The following CHAT variants were observed in gnomAD, a reference collection of about 807,000 sequenced individuals.
CHAT encodes the protein acetyl CoA:choline O-acetyltransferase.
A neutral mutation model predicts 76.9 loss-of-function variants in CHAT; 61 were observed. That is an observed-to-expected ratio of 0.79 (90% CI 0.65 to 0.98). The LOEUF (loss-of-function observed/expected upper bound fraction) is 0.98. Among genes scored for constraint, CHAT ranks in the 50% least tolerant of loss-of-function variants. CHAT has a pLI of 0.00. For synonymous variants in CHAT, 407 were observed against 397.4 expected (o/e 1.02, Z -0.29); for missense variants, 946 against 986.9 (o/e 0.96, Z 0.56).
intron 7 of CHAT, among the ~76,000 whole-genome samples, chr10:49,630,115 C>T (rs567460311): frequency 6.6e-6 from 1 of 151,834 alleles, no homozygotes; most frequent in Non-Finnish European, 1.5e-5. Flanking sequence ...TGGGTGGAGA[C>T]GTCAAGCTTA....
chr10:49,648,687 C>T (rs912053730), intron 9 of CHAT, 80 bp downstream of exon 9: 17 of 830,826 alleles, frequency 2.0e-5, no homozygotes, highest in African/African-American at 8.7e-5. Context: ...GTCTGGAAAG[C>T]GTCTTAACAA....
chr10:49,613,449 G>T (rs533382083), upstream of CHAT, among the ~76,000 whole-genome samples: 8 of 152,172 alleles, frequency 5.3e-5, no homozygotes, highest in African/African-American at 1.9e-4. Context: ...CAGCGTTCGC[G>T]CAACACTCCA....
rs756348058 is a variant in CHAT, at chr10:49,614,427, G to C, written c.238G>C (p.Glu80Gln). The C allele has an allele frequency of 8.4e-6, 13 of 1,547,762 alleles. No homozygotes were observed. Among genetic ancestry groups the C allele is most frequent in the Non-Finnish European group, 1.1e-5 (13 of 1,146,778 alleles). Residue 80 changes from glutamate (E) to glutamine (Q), a missense_variant, in exon 1 of 15, where the codon GAG (glutamate) becomes CAG (glutamine). By Grantham distance (29) the Glu-to-Gln change is conservative. This residue lies in a region of CHAT where 548 missense variants were observed against 516.2 expected (regional missense o/e 1.06). Coordinates refer to ENST00000337653, the MANE Select transcript of CHAT (RefSeq NM_020549.5). Reference sequence around the variant, plus strand: ...GGCTCACACCCCCGCCCACACTCCTGAGTGGTGCGGTGCAGCGTCGGCCGA... The same window carrying C: ...GGCTCACACCCCCGCCCACACTCCTCAGTGGTGCGGTGCAGCGTCGGCCGA... ...LPAHTPAHTP[E>Q]WCGAASAEAA...
chr10:49,618,842 A>G (rs1210824425), intron 2 of CHAT, among the ~76,000 whole-genome samples: 1 of 152,232 alleles, frequency 6.6e-6, no homozygotes, highest in African/African-American at 2.4e-5. Context: ...TAGCGAGGTC[A>G]TAACATTTTA....
Position 49,655,173 on chromosome 10 carries a change from A to G in CHAT, c.1713A>G (p.Arg571=). Residue 571 remains arginine (R), a synonymous_variant, in exon 12 of 15, where the codon AGA becomes AGG. Transcript: ENST00000337653. The part of the protein sequence containing the change: ...RFQEGRVDNI[R]SATPEALAFV... ...AGGAGGGACGCGTGGACAACATCAG[A>G]TCGGCCACTCCAGAGGCACTGGCTT... 1.2e-6 allele frequency: 2 copies of G among 1,613,952 alleles called. No homozygotes were observed. Among genetic ancestry groups the G allele is most frequent in the Non-Finnish European group, 1.7e-6 (2 of 1,180,012 alleles).
rs180676362 is a variant in CHAT at position 49,648,145 on chromosome 10, G to A, written c.1282-362G>A. ...AGGCAAGAGATTGGGAGGAGACCCCGATGTGAGCTATGACAGGAAACAGGG... is the reference window on the plus strand; with the variant it reads ...AGGCAAGAGATTGGGAGGAGACCCCAATGTGAGCTATGACAGGAAACAGGG... On this transcript the variant is annotated intron_variant, in intron 8 of 14. Transcript: ENST00000337653. The A allele has an allele frequency of 1.4e-3, 495 of 355,648 alleles. 4 individuals are homozygous for A. Among genetic ancestry groups the A allele is most frequent in the African/African-American group, 9.2e-3 (443 of 48,090 alleles). 22.0% of individuals were successfully genotyped at this position (355,648 alleles called of 1,614,324 possible). A position where few individuals can be genotyped will look rare whatever the true frequency, so the allele number is the denominator to read the frequency against.
chr10:49,614,560 C>A, intron 1 of CHAT, 85 bp downstream of exon 1: 1 of 705,716 alleles, frequency 1.4e-6, no homozygotes, highest in Non-Finnish European at 2.2e-6. Context: ...GGGACAGCAC[C>A]GGGGCCGAGA....
upstream of CHAT, chr10:49,612,511 T>C (rs907983637): frequency 1.1e-5 from 7 of 655,636 alleles, no homozygotes; most frequent in African/African-American, 7.3e-5. Context: ...CATATCCCTT[T>C]CTCTCTTGTC....
chr10:49,637,589 C>A, intron 7 of CHAT: 1 of 152,858 alleles, frequency 6.5e-6, no homozygotes, highest in South Asian at 1.9e-4. Context: ...GAAGAAGGTC[C>A]TTGCTTCCCC....
rs1042754325 is a variant in CHAT, at chr10:49,667,528, T to C, written c.*2482T>C. ...CTCTGAGGAAGAGGCTGGAAGCTGGTCTTCCCCCTCCAAGAATACACGGGT... is the reference window on the plus strand; with the variant it reads ...CTCTGAGGAAGAGGCTGGAAGCTGGCCTTCCCCCTCCAAGAATACACGGGT... On this transcript the variant is annotated 3_prime_UTR_variant, in exon 15 of 15. Transcript: ENST00000337653. Among the ~76,000 whole-genome samples the C allele has an allele frequency of 6.6e-6, 1 of 152,192 alleles. No individual in the cohort carries two copies. Among genetic ancestry groups the C allele is most frequent in the Non-Finnish European group, 1.5e-5 (1 of 68,022 alleles).
intron 13 of CHAT, among the ~76,000 whole-genome samples, chr10:49,660,036 C>T (rs1840144576): frequency 6.6e-6 from 1 of 152,148 alleles, no homozygotes; most frequent in Non-Finnish European, 1.5e-5. Context: ...TTATGTATAT[C>T]GTTCTGTATA....
intron 8 of CHAT, chr10:49,647,970 C>G (rs897994200): frequency 5.8e-6 from 1 of 171,166 alleles, no homozygotes; most frequent in African/African-American, 2.6e-5. Flanking sequence ...GACCTGAATT[C>G]AAGATGATGG....
chr10:49,660,157 T>A lies in CHAT; in HGVS notation c.1840-2488T>A, dbSNP rs111245154. Among the ~76,000 whole-genome samples the A allele has an allele frequency of 4.5e-3, 679 of 151,698 alleles. 5 individuals are homozygous for A. The highest frequency in any genetic ancestry group is 0.016 in the African/African-American group (655 of 41,376). ...GAGCAGGGTCATAAAAGAGCTGAAA[T>A]TGGCCGGGTGCAGTGGCTCACGCCT... is the stretch of plus-strand genomic sequence containing the variant. On this transcript the variant is annotated intron_variant, in intron 13 of 14. Transcript: ENST00000337653.
chr10:49,610,739 G>A, upstream of CHAT: 1 of 1,512,338 alleles, frequency 6.6e-7, no homozygotes, highest in Non-Finnish European at 8.8e-7. Context: ...CGGGGTGGGG[G>A]CATGGAATCC....
At chr10:49,650,950 G>T (rs1401307115) in intron 10 of CHAT, among the ~76,000 whole-genome samples, 1 of 152,052 alleles carries the variant, frequency 6.6e-6, no homozygotes, top group Non-Finnish European at 1.5e-5. Flanking sequence ...GTGGGTAAAG[G>T]AGTCCACTCA....
intron 8 of CHAT, 101 bp downstream of exon 8, chr10:49,646,775 G>A (rs1050260282): frequency 7.4e-7 from 1 of 1,352,718 alleles, no homozygotes; most frequent in Admixed American, 1.9e-5. Flanking sequence ...GCACGTGCTT[G>A]TGTCTGGCAG....
chr10:49,626,972 C>G (rs936996249), intron 6 of CHAT, among the ~76,000 whole-genome samples: 11 of 152,268 alleles, frequency 7.2e-5, no homozygotes, highest in Non-Finnish European at 1.6e-4. Context: ...TTTAATCTTC[C>G]TCTGCATATG....
chr10:49,623,435 ATTAATTAATTAATTAAT>A (rs1489906974), intron 5 of CHAT, among the ~76,000 whole-genome samples: 1 of 152,156 alleles, frequency 6.6e-6, no homozygotes, highest in African/African-American at 2.4e-5. Flanking sequence ...TGAACCTTTA[ATTAATTAATTAATTAAT>A]TTACTTATTC....
Position 49,620,626 on chromosome 10 carries a change from T to C in CHAT, c.698+13T>C, listed in dbSNP as rs1838672033. 1.3e-6 allele frequency: 2 copies of C among 1,595,532 alleles called. No homozygotes were observed. Among genetic ancestry groups the C allele is most frequent in the African/African-American group, 2.7e-5 (2 of 74,518 alleles). On this transcript the variant is annotated intron_variant, in intron 4 of 14. Transcript: ENST00000337653. ...ATGACCAGCTGAGGTGAGGCCTTGG[T>C]GCTCCTAGCTCATAACCTGGGGACC... is the stretch of plus-strand genomic sequence containing the variant.
Sources: gnomAD v4.1 joint callset for allele counts (sites outside exome capture counted in the v4.1 genomes callset) on GRCh38, gnomAD v4.1.1 for gene constraint, gnomAD v4.1.1 regional missense constraint, MANE v1.5 for transcripts, NCBI Gene and HGNC (gene_info 2026-07-23, HGNC 2026-07-21) for gene names.